The following CAMTA1 variants were observed in gnomAD, a reference collection of about 807,000 sequenced individuals.
CAMTA1 encodes the protein calmodulin binding transcription activator 1, also known as calmodulin-binding transcription activator 1.
In CAMTA1, 27 loss-of-function variants were observed where a neutral mutation model predicts 170.9. That is an observed-to-expected ratio of 0.16 (90% CI 0.12 to 0.22). CAMTA1 has a LOEUF of 0.22. CAMTA1 is among the 10% of genes least tolerant of loss of function. The pLI, the probability that CAMTA1 is intolerant of heterozygous loss-of-function variation, is 1.00. For synonymous variants in CAMTA1, 833 were observed against 891.5 expected (o/e 0.93, Z 1.17); for missense variants, 1,619 against 2,217.2 (o/e 0.73, Z 5.42).
At chr1:7,239,635 A>ATTTTTTTTTTTTTTTTTTTTTT (rs34166595) in intron 4 of CAMTA1, among the ~76,000 whole-genome samples, 1 of 103,976 alleles carries the variant, frequency 9.6e-6, no homozygotes, top group Non-Finnish European at 1.9e-5. Flanking sequence ...TTCAAGGTCA[A>ATTTTTTTTTTTTTTTTTTTTTT]TTTTTTTTTT....
intron 5 of CAMTA1, among the ~76,000 whole-genome samples, chr1:7,416,550 A>T (rs1262981128): frequency 6.6e-6 from 1 of 151,972 alleles, no homozygotes; most frequent in Non-Finnish European, 1.5e-5. Context: ...AGTTGATTGC[A>T]TTGGCTCCTG....
At chr1:6,920,746 G>C (rs979202414) in intron 3 of CAMTA1, among the ~76,000 whole-genome samples, 1 of 152,206 alleles carries the variant, frequency 6.6e-6, no homozygotes, top group Non-Finnish European at 1.5e-5. Flanking sequence ...TGTGAAAGCT[G>C]CCAAGGCTTA....
At chr1:7,262,610 G>A (rs1286304973) in intron 5 of CAMTA1, among the ~76,000 whole-genome samples, 5 of 152,178 alleles carry the variant, frequency 3.3e-5, no homozygotes, top group South Asian at 2.1e-4. Flanking sequence ...TGGGCAGAAC[G>A]AGGCTGCCTT....
rs2092939166 is a variant in CAMTA1, at chr1:7,455,871, C to T, written c.439-11959C>T. On this transcript the variant is annotated intron_variant, in intron 5 of 22. Transcript: ENST00000303635. This position sits in a 1 kb window ranked among gnomAD's most constrained non-coding sequence, Gnocchi z 5.0. ...GCTCCTGGCATCTGCATCTGCTCTC[C>T]TCTGGGAATGGCAGATGAGTAGAGA... Among the ~76,000 whole-genome samples, 1 of 152,242 alleles carries T rather than the reference C, an allele frequency of 6.6e-6. No individual in the cohort carries two copies. The highest frequency in any genetic ancestry group is 2.4e-5 in the African/African-American group (1 of 41,470).
In CAMTA1 at chr1:6,887,736, T is replaced by A. The variant is rs1325949668; in HGVS notation, c.234+62526T>A. 3 of 1,535,246 alleles carry A rather than the reference T, an allele frequency of 2.0e-6. No homozygotes were observed. Among genetic ancestry groups the A allele is most frequent in the Non-Finnish European group, 2.6e-6 (3 of 1,146,566 alleles). Reference sequence around the variant, plus strand: ...AGCCATGAGGGCTGACACATTGGAATGAAAGCTGGCAGAATTCGTAGGGAG... The same window carrying A: ...AGCCATGAGGGCTGACACATTGGAAAGAAAGCTGGCAGAATTCGTAGGGAG... On this transcript the variant is annotated intron_variant, in intron 3 of 22. Transcript: ENST00000303635. The surrounding 1 kb of genome is among the most constrained non-coding windows in gnomAD (Gnocchi z 4.1).
chr1:6,865,259 C>T (rs1192540127), intron 3 of CAMTA1, among the ~76,000 whole-genome samples: 1 of 152,126 alleles, frequency 6.6e-6, no homozygotes, highest in East Asian at 1.9e-4. Flanking sequence ...GTGGTGGGTA[C>T]AGTAGTGGAT....
chr1:7,318,741 G>T (rs1287132471), intron 5 of CAMTA1, among the ~76,000 whole-genome samples: 2 of 152,164 alleles, frequency 1.3e-5, no homozygotes, highest in African/African-American at 4.8e-5. Context: ...TCATTGTTCT[G>T]CAGGGCCTCA....
intron 4 of CAMTA1, among the ~76,000 whole-genome samples, chr1:7,128,958 G>T (rs1244537419): frequency 6.7e-6 from 1 of 148,640 alleles, no homozygotes; most frequent in Admixed American, 6.8e-5. Context: ...CTCCTGTTCA[G>T]CCTCCCGAGT....
chr1:7,507,703 G>T (rs951748753), intron 6 of CAMTA1, among the ~76,000 whole-genome samples: 4 of 152,204 alleles, frequency 2.6e-5, no homozygotes, highest in African/African-American at 9.7e-5. Context: ...AGGCCCCAGG[G>T]GCCTCTCCAG....
intron 1 of CAMTA1, among the ~76,000 whole-genome samples, chr1:6,794,880 C>CTTTTTTTTTTTTTTTTTTTTTTT (rs1305335139): frequency 2.1e-5 from 3 of 141,900 alleles, no homozygotes; most frequent in Non-Finnish European, 3.1e-5. Flanking sequence ...TAGATAAAGG[C>CTTTTTTTTTTTTTTTTTTTTTTT]TTTTTTTTTG....
rs537115384 is a variant in CAMTA1, at chr1:7,682,832, G to A, written c.2914+5099G>A. Among the ~76,000 whole-genome samples, 2 of 152,320 alleles carry A rather than the reference G, an allele frequency of 1.3e-5. No individual in the cohort carries two copies. Among genetic ancestry groups the A allele is most frequent in the South Asian group, 4.1e-4 (2 of 4,826 alleles). ...CCAGCCCACCTCCGAGCAACCCTCA[G>A]CTGGCCCATGAACACATCGCATGAC... On this transcript the variant is annotated intron_variant, in intron 11 of 22. Coordinates refer to ENST00000303635, the MANE Select transcript of CAMTA1 (RefSeq NM_015215.4). The surrounding 1 kb of genome is among the most constrained non-coding windows in gnomAD (Gnocchi z 5.0).
At position 7,249,051 on chromosome 1, in the gene CAMTA1, C is replaced by T. The variant is rs759900660; in HGVS notation, c.303-440C>T. Among the ~76,000 whole-genome samples the T allele has an allele frequency of 2.0e-5, 3 of 152,134 alleles. No individual in the cohort carries two copies. The highest frequency in any genetic ancestry group is 2.9e-5 in the Non-Finnish European group (2 of 68,026). Reference sequence around the variant, plus strand: ...TCTTAACATAGTCATCTAGCGTCTGCGTTAAACTTATTTATTTCCTAATGC... The same window carrying T: ...TCTTAACATAGTCATCTAGCGTCTGTGTTAAACTTATTTATTTCCTAATGC... On this transcript the variant is annotated intron_variant, in intron 4 of 22. Coordinates refer to ENST00000303635, the MANE Select transcript of CAMTA1 (RefSeq NM_015215.4). The surrounding 1 kb of genome is among the most constrained non-coding windows in gnomAD (Gnocchi z 4.4).
At chr1:7,210,323 C>G (rs1392179714) in intron 4 of CAMTA1, among the ~76,000 whole-genome samples, 1 of 152,082 alleles carries the variant, frequency 6.6e-6, no homozygotes, top group Admixed American at 6.5e-5. Context: ...TGTAGACTGT[C>G]CTTTGGTTGG....
At chr1:7,559,904 C>G (rs1294000159) in intron 6 of CAMTA1, among the ~76,000 whole-genome samples, 4 of 152,202 alleles carry the variant, frequency 2.6e-5, no homozygotes, top group African/African-American at 9.7e-5. Context: ...AAGTCAGACT[C>G]GCAGCGAGTT....
chr1:7,006,623 G>A (rs371592913), intron 3 of CAMTA1, among the ~76,000 whole-genome samples: 3 of 152,286 alleles, frequency 2.0e-5, no homozygotes, highest in African/African-American at 7.2e-5. Context: ...AGATGGAAAT[G>A]ACCTTCTCCA....
chr1:7,283,512 C>T (rs1671810946), intron 5 of CAMTA1, among the ~76,000 whole-genome samples: 1 of 152,176 alleles, frequency 6.6e-6, no homozygotes, highest in African/African-American at 2.4e-5. Flanking sequence ...AGTCAACCAC[C>T]CATCCCATGG....
chr1:6,966,995 A>T (rs908689011), intron 3 of CAMTA1, among the ~76,000 whole-genome samples: 2 of 151,420 alleles, frequency 1.3e-5, no homozygotes, highest in African/African-American at 4.8e-5. Flanking sequence ...TAATCCCAGC[A>T]CTTTGGGAGG....
intron 4 of CAMTA1, among the ~76,000 whole-genome samples, chr1:7,128,643 A>G (rs1341826896): frequency 2.0e-5 from 3 of 151,878 alleles, no homozygotes; most frequent in African/African-American, 7.3e-5. Flanking sequence ...CCTACAAAGT[A>G]GAAAGGATTA....
intron 6 of CAMTA1, among the ~76,000 whole-genome samples, chr1:7,602,260 A>T (rs1359823510): frequency 1.3e-5 from 2 of 151,282 alleles, no homozygotes; most frequent in Non-Finnish European, 2.9e-5. Flanking sequence ...CTCTGGTAGA[A>T]TTCGGCTGTG....
Sources: allele counts gnomAD v4.1 joint callset (sites outside exome capture counted in the v4.1 genomes callset), GRCh38; gene constraint gnomAD v4.1.1; non-coding constraint Gnocchi (gnomAD v3.1); transcripts MANE v1.5; gene names NCBI Gene and HGNC (gene_info 2026-07-23, HGNC 2026-07-21).